AGAP1: variants seen among roughly 807,000 people sequenced by gnomAD.
The protein encoded by AGAP1 is arf-GAP with GTPase, ANK repeat and PH domain-containing protein 1.
A neutral mutation model predicts 105.3 loss-of-function variants in AGAP1; 29 were observed. The ratio of observed to expected loss-of-function variants is 0.28; its 90% CI spans 0.21 to 0.38. The LOEUF is 0.38. Among genes scored for constraint, AGAP1 ranks in the 10% least tolerant of loss-of-function variants. The pLI, the probability that AGAP1 is intolerant of heterozygous loss-of-function variation, is 1.00. For synonymous variants in AGAP1, 509 were observed against 485.9 expected (o/e 1.05, Z -0.63); for missense variants, 998 against 1,165.1 (o/e 0.86, Z 2.09).
At chr2:235,818,273 G>C (rs927127693) in intron 9 of AGAP1, among the ~76,000 whole-genome samples, 8 of 152,200 alleles carry the variant, frequency 5.3e-5, no homozygotes, top group Admixed American at 2.6e-4. Context: ...TAGACGAAGA[G>C]TTTGAGGTTC....
chr2:235,952,337 A>G (rs1296598544), intron 12 of AGAP1, among the ~76,000 whole-genome samples: 1 of 151,712 alleles, frequency 6.6e-6, no homozygotes, highest in Non-Finnish European at 1.5e-5. Context: ...TCTGTCAAAG[A>G]AGTTATAACA....
At chr2:235,604,514 C>T (rs1945851131) in intron 1 of AGAP1, among the ~76,000 whole-genome samples, 1 of 148,480 alleles carries the variant, frequency 6.7e-6, no homozygotes, top group African/African-American at 2.5e-5. Flanking sequence ...TTGTTACTGT[C>T]CTCTTTATGC....
Position 235,559,284 on chromosome 2 carries a change from G to A in AGAP1, c.163+64435G>A, listed in dbSNP as rs1482076121. On this transcript the variant is annotated intron_variant, in intron 1 of 17. Coordinates refer to ENST00000304032, the MANE Select transcript of AGAP1 (RefSeq NM_001037131.3). This position sits in a 1 kb window ranked among gnomAD's most constrained non-coding sequence, Gnocchi z 5.7. ...GTCTTTATAAAAATACGATGAAGGG[G>A]TGATTTGGGTGTCCCAAGACTGTTT... is the stretch of plus-strand genomic sequence containing the variant. Among the ~76,000 whole-genome samples the A allele has an allele frequency of 6.6e-6, 1 of 152,106 alleles. No individual in the cohort carries two copies. The highest frequency in any genetic ancestry group is 2.4e-5 in the African/African-American group (1 of 41,422).
chr2:235,738,961 A>G (rs1032247164), intron 3 of AGAP1, among the ~76,000 whole-genome samples: 1 of 152,222 alleles, frequency 6.6e-6, no homozygotes, highest in African/African-American at 2.4e-5. Context: ...GGGAAATAAT[A>G]CTACTATCAC....
rs138275032 is a variant in AGAP1 at position 235,653,499 on chromosome 2, T to TATAAC, written c.164-55655_164-55651dup. Among the ~76,000 whole-genome samples, 129 of 130,354 alleles carry TATAAC rather than the reference T, an allele frequency of 9.9e-4. 1 individual carries two copies. Among genetic ancestry groups the TATAAC allele is most frequent in the Middle Eastern group, 3.9e-3 (1 of 254 alleles). 85.5% of individuals were successfully genotyped at this position (130,354 alleles called of 152,430 possible). ...TAAAATAAAATAAAATAAAATAAAA[T>TATAAC]ATAACATAACATAACATAACATAAC... is the stretch of plus-strand genomic sequence containing the variant. On this transcript the variant is annotated intron_variant, in intron 1 of 17. Transcript: ENST00000304032.
intron 9 of AGAP1, 25 bp downstream of exon 9, chr2:235,807,356 T>C (rs1249713536): frequency 6.4e-7 from 1 of 1,565,476 alleles, no homozygotes; most frequent in East Asian, 2.3e-5. Flanking sequence ...CATCCTTCCC[T>C]CCCTGTCGCC....
intron 16 of AGAP1, among the ~76,000 whole-genome samples, chr2:236,106,426 G>A (rs1342365138): frequency 6.6e-6 from 1 of 152,238 alleles, no homozygotes; most frequent in African/African-American, 2.4e-5. Context: ...ACCCCTGGGC[G>A]GGCACCTGTG....
chr2:236,049,972 A>G (rs765654852), intron 16 of AGAP1: 10 of 152,194 alleles, frequency 6.6e-5, no homozygotes, highest in Non-Finnish European at 1.2e-4. Context: ...GGCAGAATAG[A>G]GCATTTCATC....
chr2:235,580,359 G>A (rs1221772048), intron 1 of AGAP1, among the ~76,000 whole-genome samples: 2 of 152,010 alleles, frequency 1.3e-5, no homozygotes, highest in Non-Finnish European at 2.9e-5. Flanking sequence ...ATGAAGACGT[G>A]CCGGCCGCTT....
intron 12 of AGAP1, among the ~76,000 whole-genome samples, chr2:235,952,987 G>A (rs1006875501): frequency 1.1e-4 from 16 of 152,292 alleles, no homozygotes; most frequent in Admixed American, 7.8e-4. Context: ...CAGGTGTGGC[G>A]GAAGGACCCA....
intron 1 of AGAP1, among the ~76,000 whole-genome samples, chr2:235,514,575 C>G (rs928207294): frequency 1.3e-5 from 2 of 152,246 alleles, no homozygotes; most frequent in African/African-American, 2.4e-5. Context: ...TGAGTCCTGC[C>G]CCTTGGCAAG....
chr2:235,823,386 T>G (rs1958905627), intron 9 of AGAP1, among the ~76,000 whole-genome samples: 1 of 152,134 alleles, frequency 6.6e-6, no homozygotes, highest in Non-Finnish European at 1.5e-5. Flanking sequence ...CCTCCTGCCT[T>G]ATCCTCTCCG....
rs1460566762 is a variant in AGAP1 at position 235,752,110 on chromosome 2, A to G, written c.673+1622A>G. Among the ~76,000 whole-genome samples the G allele has an allele frequency of 3.3e-5, 5 of 152,210 alleles. No individual in the cohort carries two copies. Among genetic ancestry groups the G allele is most frequent in the Non-Finnish European group, 5.9e-5 (4 of 68,034 alleles). ...CTGCCGAGGCCCCTGTGAATGTTGAAGTAAAGCGTCGTAGATGAAGGGTCC... is the reference window on the plus strand; with the variant it reads ...CTGCCGAGGCCCCTGTGAATGTTGAGGTAAAGCGTCGTAGATGAAGGGTCC... On this transcript the variant is annotated intron_variant, in intron 6 of 17. Transcript: ENST00000304032. The surrounding 1 kb of genome is among the most constrained non-coding windows in gnomAD (Gnocchi z 4.3).
rs1406669539 is a variant in AGAP1 at position 236,123,405 on chromosome 2, T to G, written c.2371-514T>G. On this transcript the variant is annotated intron_variant, in intron 17 of 17. Coordinates refer to ENST00000304032, the MANE Select transcript of AGAP1 (RefSeq NM_001037131.3). This position sits in a 1 kb window ranked among gnomAD's most constrained non-coding sequence, Gnocchi z 4.6. Reference sequence around the variant, plus strand: ...TCACAGTATAGTAATCAATAAAAAATGAAAAAAATACAAATTATTTGTACA... The same window carrying G: ...TCACAGTATAGTAATCAATAAAAAAGGAAAAAAATACAAATTATTTGTACA... Among the ~76,000 whole-genome samples, 1 of 151,682 alleles carries G rather than the reference T, an allele frequency of 6.6e-6. No homozygotes were observed.
At chr2:235,651,864 C>T (rs537481521) in intron 1 of AGAP1, among the ~76,000 whole-genome samples, 10 of 152,200 alleles carry the variant, frequency 6.6e-5, no homozygotes, top group South Asian at 2.1e-4. Flanking sequence ...AAGGATAAAG[C>T]GGTCCACGGG....
intron 1 of AGAP1, among the ~76,000 whole-genome samples, chr2:235,652,329 C>G (rs1241150854): frequency 6.6e-6 from 1 of 152,076 alleles, no homozygotes; most frequent in Non-Finnish European, 1.5e-5. Flanking sequence ...ACGCAGCCCT[C>G]AGACCCCCCC....
At chr2:236,106,932 G>A (rs1023611037) in intron 16 of AGAP1, among the ~76,000 whole-genome samples, 2 of 151,754 alleles carry the variant, frequency 1.3e-5, no homozygotes, top group Non-Finnish European at 2.9e-5. Flanking sequence ...CTGGCCTATG[G>A]TGCATTTTAC....
Position 235,662,932 on chromosome 2 carries a change from A to G in AGAP1, c.164-46247A>G, listed in dbSNP as rs1333776344. Among the ~76,000 whole-genome samples the G allele has an allele frequency of 1.3e-5, 2 of 152,164 alleles. No individual in the cohort carries two copies. Among genetic ancestry groups the G allele is most frequent in the Non-Finnish European group, 2.9e-5 (2 of 68,038 alleles). On this transcript the variant is annotated intron_variant, in intron 1 of 17. Coordinates refer to ENST00000304032, the MANE Select transcript of AGAP1 (RefSeq NM_001037131.3). The surrounding 1 kb of genome is among the most constrained non-coding windows in gnomAD (Gnocchi z 4.2). Reference sequence around the variant, plus strand: ...AGTTCTTTCTTAAGAGCTCTGATGCATGTTCTAACTAGGAGGGCAGGTAGC... The same window carrying G: ...AGTTCTTTCTTAAGAGCTCTGATGCGTGTTCTAACTAGGAGGGCAGGTAGC...
chr2:235,818,319 T>G (rs535538395), intron 9 of AGAP1, among the ~76,000 whole-genome samples: 1 of 152,308 alleles, frequency 6.6e-6, no homozygotes, highest in Non-Finnish European at 1.5e-5. Flanking sequence ...GTTATATAGC[T>G]CCACGTGAGT....
Sources: allele counts gnomAD v4.1 joint callset (sites outside exome capture counted in the v4.1 genomes callset), GRCh38; gene constraint gnomAD v4.1.1; non-coding constraint Gnocchi (gnomAD v3.1); transcripts MANE v1.5; gene names NCBI Gene and HGNC (gene_info 2026-07-23, HGNC 2026-07-21).